KHDRBS3: variants seen among roughly 807,000 people sequenced by gnomAD.
The protein encoded by KHDRBS3 is KH domain-containing, RNA-binding, signal transduction-associated protein 3.
KHDRBS3 carries 23 observed loss-of-function variants against 45.6 expected under a neutral mutation model. The observed-to-expected ratio is 0.50, with a 90% CI of 0.36 to 0.72. The LOEUF (loss-of-function observed/expected upper bound fraction) is 0.72. KHDRBS3 is among the 30% of genes least tolerant of loss of function. The pLI, the probability that KHDRBS3 is intolerant of heterozygous loss-of-function variation, is 0.00. For synonymous variants in KHDRBS3, 162 were observed against 156.5 expected (o/e 1.04, Z -0.26); for missense variants, 352 against 424.8 (o/e 0.83, Z 1.51).
At chr8:135,521,546 T>G (rs920514634) in intron 2 of KHDRBS3, among the ~76,000 whole-genome samples, 191 bp downstream of exon 2, 1 of 152,206 alleles carries the variant, frequency 6.6e-6, no homozygotes. Flanking sequence ...AGTTACAGAT[T>G]CCTGAAAATA....
At chr8:135,556,793 GA>G in intron 4 of KHDRBS3, among the ~76,000 whole-genome samples, 1 of 152,280 alleles carries the variant, frequency 6.6e-6, no homozygotes, top group Admixed American at 6.5e-5. Context: ...GGGTGCTAAG[GA>G]AGCAGGAGAA....
chr8:135,556,260 A>AT (rs748160891), intron 4 of KHDRBS3, among the ~76,000 whole-genome samples: 2 of 152,152 alleles, frequency 1.3e-5, no homozygotes, highest in Non-Finnish European at 2.9e-5. Context: ...CAGTAATGGG[A>AT]TTGCTGGGTC....
intron 7 of KHDRBS3, among the ~76,000 whole-genome samples, chr8:135,644,729 G>T (rs971519392): frequency 6.6e-6 from 1 of 152,194 alleles, no homozygotes; most frequent in Non-Finnish European, 1.5e-5. Flanking sequence ...CTCCCTCTCC[G>T]CAGACTCCCA....
intron 1 of KHDRBS3, chr8:135,458,525 C>T (rs892447860): frequency 1.3e-4 from 33 of 263,718 alleles, no homozygotes; most frequent in Non-Finnish European, 2.2e-4. Flanking sequence ...AGCCCAGTTC[C>T]CCCTCCCAGC....
chr8:135,548,613 T>TAA, intron 3 of KHDRBS3, 141 bp from the exon 4 acceptor site: 2 of 569,084 alleles, frequency 3.5e-6, no homozygotes, highest in South Asian at 7.5e-5. Context: ...CCTTCTTTTT[T>TAA]AGAGTAGTGT....
At chr8:135,548,936 T>C in intron 4 of KHDRBS3, 36 bp downstream of exon 4, 1 of 1,465,790 alleles carries the variant, frequency 6.8e-7, no homozygotes, top group Non-Finnish European at 9.2e-7. Context: ...AACTTGTACT[T>C]TAAAGTCTTT....
chr8:135,634,792 G>A (rs1045057523), intron 7 of KHDRBS3, among the ~76,000 whole-genome samples: 12 of 152,220 alleles, frequency 7.9e-5, no homozygotes, highest in African/African-American at 2.7e-4. Flanking sequence ...ATCGGGCTCT[G>A]TCCTCTGGCT....
At chr8:135,477,294 C>T (rs929724518) in intron 1 of KHDRBS3, among the ~76,000 whole-genome samples, 8 of 152,126 alleles carry the variant, frequency 5.3e-5, no homozygotes, top group African/African-American at 1.7e-4. Flanking sequence ...AAACTGAGCT[C>T]TGTTTTGACT....
chr8:135,590,668 T>TA (rs1213793406), intron 6 of KHDRBS3, among the ~76,000 whole-genome samples: 12 of 152,308 alleles, frequency 7.9e-5, no homozygotes, highest in Non-Finnish European at 1.5e-5. Context: ...AGAAACAAGC[T>TA]AAAAATGAGT....
chr8:135,486,759 T>A (rs930721987), intron 1 of KHDRBS3, among the ~76,000 whole-genome samples: 1 of 152,252 alleles, frequency 6.6e-6, no homozygotes, highest in Admixed American at 6.5e-5. Context: ...TTCCTTGGTG[T>A]TGTGTACATT....
chr8:135,542,204 A>T (rs10105666), intron 2 of KHDRBS3: 3,136 of 153,274 alleles, frequency 0.02, 112 homozygotes, highest in African/African-American at 0.072. Context: ...CAGTCCTCTC[A>T]TTGATTGAAT....
chr8:135,518,470 G>A (rs1223537762), intron 1 of KHDRBS3, among the ~76,000 whole-genome samples: 4 of 151,926 alleles, frequency 2.6e-5, no homozygotes, highest in Admixed American at 2.0e-4. Context: ...CACCACGCCC[G>A]GCCTAAACTA....
At chr8:135,507,395 C>A (rs1213101617) in intron 1 of KHDRBS3, among the ~76,000 whole-genome samples, 2 of 152,178 alleles carry the variant, frequency 1.3e-5, no homozygotes, top group Admixed American at 1.3e-4. Flanking sequence ...GACTAGGAAT[C>A]TGTATATTCA....
chr8:135,593,832 A>G (rs1417634201), intron 6 of KHDRBS3, among the ~76,000 whole-genome samples: 1 of 152,278 alleles, frequency 6.6e-6, no homozygotes, highest in African/African-American at 2.4e-5. Flanking sequence ...TAGAACACCT[A>G]TAATTGACTT....
intron 1 of KHDRBS3, among the ~76,000 whole-genome samples, chr8:135,515,338 C>T (rs1351497718): frequency 7.7e-6 from 1 of 129,050 alleles, no homozygotes; most frequent in Non-Finnish European, 1.6e-5. Flanking sequence ...TGCACTCCAG[C>T]CTGGGCGACA....
At chr8:135,480,259 A>G (rs957006660) in intron 1 of KHDRBS3, among the ~76,000 whole-genome samples, 4 of 152,176 alleles carry the variant, frequency 2.6e-5, no homozygotes, top group Non-Finnish European at 4.4e-5. Context: ...TACCACTTCT[A>G]TTCCACATTG....
Position 135,645,119 on chromosome 8 carries a change from T to C in KHDRBS3, c.949+2T>C. Reference sequence around the variant, plus strand: ...GTGAGGAGACTTATGATTCCTACGGTGAGTGACTGGCCAGAGCATGTGAAG... The same window carrying C: ...GTGAGGAGACTTATGATTCCTACGGCGAGTGACTGGCCAGAGCATGTGAAG... On this transcript the variant is annotated splice_donor_variant, in intron 8 of 8. Coordinates refer to ENST00000355849, the MANE Select transcript of KHDRBS3 (RefSeq NM_006558.3). LOFTEE classifies it high-confidence loss of function. 1 of 1,613,548 alleles carries C rather than the reference T, an allele frequency of 6.2e-7. No individual in the cohort carries two copies. Among genetic ancestry groups the C allele is most frequent in the Non-Finnish European group, 8.5e-7 (1 of 1,179,812 alleles).
intron 7 of KHDRBS3, among the ~76,000 whole-genome samples, chr8:135,627,622 T>C (rs186587515): frequency 6.6e-6 from 1 of 152,306 alleles, no homozygotes; most frequent in Non-Finnish European, 1.5e-5. Context: ...TGAGATATAA[T>C]GTACATACAG....
chr8:135,649,263 G>T (rs145837991), downstream of KHDRBS3, among the ~76,000 whole-genome samples: 28 of 152,040 alleles, frequency 1.8e-4, 1 homozygote, highest in East Asian at 5.4e-3. Context: ...TTCAGTGTTT[G>T]TATTTGAGCT....
Sources: gnomAD v4.1 joint callset for allele counts (sites outside exome capture counted in the v4.1 genomes callset) on GRCh38, gnomAD v4.1.1 for gene constraint, MANE v1.5 for transcripts, NCBI Gene and HGNC (gene_info 2026-07-23, HGNC 2026-07-21) for gene names.